The following ATXN2 variants were observed in gnomAD, a reference collection of about 807,000 sequenced individuals.
The protein encoded by ATXN2 is ataxin-2.
In ATXN2, 37 loss-of-function variants were observed where a neutral mutation model predicts 138.6. The ratio of observed to expected loss-of-function variants is 0.27; its 90% CI spans 0.21 to 0.35. The LOEUF is 0.35. Among genes scored for constraint, ATXN2 ranks in the 10% least tolerant of loss-of-function variants. The pLI, the probability that ATXN2 is intolerant of heterozygous loss-of-function variation, is 1.00. For missense variants in ATXN2, 1,216 were observed against 1,480.3 expected, an observed-to-expected ratio of 0.82 and a Z score of 2.93; for synonymous variants, 549 against 543.7, an observed-to-expected ratio of 1.01 and a Z score of -0.13.
rs749796720 is a variant in ATXN2 at position 111,470,278 on chromosome 12, C to T, written c.2710-38G>A. ...AAAAAATAAAGAAAGCACATTAACA[C>T]TGCAAATAGAGCCAAGCAGACTTTA... On this transcript the variant is annotated intron_variant, in intron 19 of 24. Transcript: ENST00000673436. 3.8e-6 allele frequency: 6 copies of T among 1,599,404 alleles called. No individual in the cohort carries two copies. The African/African-American group carries it at 6.7e-5, about 18-fold the overall frequency.
intron 1 of ATXN2, among the ~76,000 whole-genome samples, chr12:111,569,497 G>A (rs1230786995): frequency 6.6e-6 from 1 of 152,176 alleles, no homozygotes; most frequent in Non-Finnish European, 1.5e-5. Flanking sequence ...GGGAGGCCAA[G>A]GTGAGTCCAG....
At chr12:111,574,952 T>C (rs1696115153) in intron 1 of ATXN2, among the ~76,000 whole-genome samples, 1 of 152,206 alleles carries the variant, frequency 6.6e-6, no homozygotes, top group South Asian at 2.1e-4. Flanking sequence ...TGGGCCTTCA[T>C]TTCCTCATGG....
intron 18 of ATXN2, among the ~76,000 whole-genome samples, chr12:111,474,427 AAAG>A (rs1015178196): frequency 2.0e-5 from 3 of 152,060 alleles, no homozygotes; most frequent in East Asian, 1.9e-4. Flanking sequence ...ACAAAAAAAC[AAAG>A]AAGAAGAAAG....
chr12:111,586,823 G>A (rs556023710), intron 1 of ATXN2, among the ~76,000 whole-genome samples: 2 of 152,182 alleles, frequency 1.3e-5, no homozygotes, highest in Non-Finnish European at 2.9e-5. Flanking sequence ...ACCCAGCTAA[G>A]TCTTTCAACT....
At chr12:111,525,746 G>A (rs1001623748) in intron 5 of ATXN2, among the ~76,000 whole-genome samples, 2 of 150,586 alleles carry the variant, frequency 1.3e-5, no homozygotes, top group East Asian at 2.0e-4. Context: ...ATGCAGTGGC[G>A]TGATCTCGGC....
At chr12:111,479,710 T>G (rs1033235510) in intron 18 of ATXN2, among the ~76,000 whole-genome samples, 4 of 151,986 alleles carry the variant, frequency 2.6e-5, no homozygotes, top group African/African-American at 7.2e-5. Context: ...CATTATAAGT[T>G]TTGCTATTTT....
chr12:111,577,300 C>A (rs1883723997), intron 1 of ATXN2, among the ~76,000 whole-genome samples: 1 of 152,018 alleles, frequency 6.6e-6, no homozygotes, highest in South Asian at 2.1e-4. Context: ...GAGTCTCGCT[C>A]TGTTGCCCAG....
At chr12:111,509,012 G>T (rs1383742042) in intron 14 of ATXN2, among the ~76,000 whole-genome samples, 1 of 152,050 alleles carries the variant, frequency 6.6e-6, no homozygotes, top group Non-Finnish European at 1.5e-5. Flanking sequence ...AAGATTTATT[G>T]GTTGGTCTCA....
intron 5 of ATXN2, among the ~76,000 whole-genome samples, chr12:111,539,342 AAG>A: frequency 1.3e-5 from 2 of 150,080 alleles, no homozygotes; most frequent in South Asian, 4.2e-4. Context: ...AAATTCTAAA[AAG>A]AGAGTGAAAG....
intron 18 of ATXN2, among the ~76,000 whole-genome samples, chr12:111,479,406 A>T (rs1160549113): frequency 6.6e-6 from 1 of 150,584 alleles, no homozygotes; most frequent in Non-Finnish European, 1.5e-5. Context: ...AAAAAAAAAA[A>T]AAAAAAAAAA....
intron 5 of ATXN2, among the ~76,000 whole-genome samples, chr12:111,549,890 C>T (rs1200673331): frequency 4.0e-5 from 6 of 151,756 alleles, no homozygotes; most frequent in African/African-American, 4.8e-5. Flanking sequence ...AGTGAAACCC[C>T]GTCTCTACTA....
In ATXN2 at chr12:111,474,840, T is replaced by C. The variant is rs1320718987; in HGVS notation, c.2525-4098A>G. On this transcript the variant is annotated intron_variant, in intron 18 of 24. Coordinates refer to ENST00000673436, the MANE Select transcript of ATXN2 (RefSeq NM_001372574.1). Reference sequence around the variant, plus strand: ...GGCTCACACCTGTAATCCCAGCACTTTGGGAGGCCGAGGCGGGTGGATCAT... The same window carrying C: ...GGCTCACACCTGTAATCCCAGCACTCTGGGAGGCCGAGGCGGGTGGATCAT... 4.6e-5 allele frequency among the ~76,000 whole-genome samples: 7 copies of C among 152,086 alleles called. No homozygotes were observed. The East Asian group carries it at 1.3e-3, about 29-fold the overall frequency.
intron 2 of ATXN2, among the ~76,000 whole-genome samples, chr12:111,554,846 G>A (rs1459659181): frequency 1.3e-5 from 2 of 152,114 alleles, no homozygotes; most frequent in African/African-American, 4.8e-5. Flanking sequence ...AAATAAATGG[G>A]GTAGGAAGCC....
intron 5 of ATXN2, among the ~76,000 whole-genome samples, chr12:111,537,374 C>G (rs776391179): frequency 2.6e-5 from 4 of 151,876 alleles, no homozygotes; most frequent in Non-Finnish European, 5.9e-5. Context: ...CACTTGAGGT[C>G]AGGAATTCGA....
chr12:111,588,991 CAAAAAAAA>C (rs58116265), intron 1 of ATXN2, among the ~76,000 whole-genome samples: 159 of 38,702 alleles, frequency 4.1e-3, no homozygotes, highest in East Asian at 9.4e-3. Flanking sequence ...CGAGATTTCT[CAAAAAAAA>C]AAAAAAAAAA....
At chr12:111,524,558 G>A (rs1377381536) in intron 6 of ATXN2, among the ~76,000 whole-genome samples, 2 of 152,196 alleles carry the variant, frequency 1.3e-5, no homozygotes. Context: ...AGCCTCCCAA[G>A]TAGCTGGGAC....
intron 1 of ATXN2, among the ~76,000 whole-genome samples, chr12:111,557,807 G>A (rs1566062870): frequency 6.6e-6 from 1 of 152,076 alleles, no homozygotes; most frequent in Non-Finnish European, 1.5e-5. Context: ...GGGGTGTGGG[G>A]GGGTGTACTT....
chr12:111,559,583 C>T (rs970938426), intron 1 of ATXN2, among the ~76,000 whole-genome samples: 81 of 151,080 alleles, frequency 5.4e-4, no homozygotes, highest in Admixed American at 1.6e-3. Flanking sequence ...ACCAGCCTGA[C>T]CAATATGGTG....
rs200984660 is a variant in ATXN2, at chr12:111,510,451, T to C, written c.1690A>G (p.Ile564Val). 2.3e-5 allele frequency: 37 copies of C among 1,614,020 alleles called. No homozygotes were observed. Among genetic ancestry groups the C allele is most frequent in the Non-Finnish European group, 2.7e-5 (32 of 1,180,028 alleles). Residue 564 changes from isoleucine (I) to valine (V), a missense_variant, in exon 12 of 25, where the codon ATT becomes GTT. By Grantham distance (29) the Ile-to-Val change is conservative (BLOSUM62 3). This residue lies in a region of ATXN2 where 215 missense variants were observed against 210.0 expected (regional missense o/e 1.02). Transcript: ENST00000673436. Reference sequence around the variant, plus strand: ...GCAGGCGTAGGAGATGCAGCTGGAATAGGCATGGCAACAGCTTCAGTTGGA... The same window carrying C: ...GCAGGCGTAGGAGATGCAGCTGGAACAGGCATGGCAACAGCTTCAGTTGGA... ...IIPTEAVAMPIPAASPTPASP... is the reference protein window; with the variant it reads ...IIPTEAVAMPVPAASPTPASP...
Sources: allele counts gnomAD v4.1 joint callset (sites outside exome capture counted in the v4.1 genomes callset), GRCh38; gene constraint gnomAD v4.1.1; regional missense constraint gnomAD v4.1.1; transcripts MANE v1.5; gene names NCBI Gene and HGNC (gene_info 2026-07-23, HGNC 2026-07-21).